Variants in CORO7 observed in about 807,000 individuals in gnomAD.
CORO7 encodes the protein coronin-7.
In CORO7, 107 loss-of-function variants were observed where a neutral mutation model predicts 126.6. The ratio of observed to expected loss-of-function variants is 0.85; its 90% CI spans 0.72 to 0.99. CORO7 has a LOEUF of 0.99. Ranked by LOEUF, CORO7 falls within the 50% of genes least tolerant of loss-of-function variation. The pLI, the probability that CORO7 is intolerant of heterozygous loss-of-function variation, is 0.00. For synonymous variants in CORO7, 603 were observed against 536.8 expected (o/e 1.12, Z -1.70); for missense variants, 1,314 against 1,255.8 (o/e 1.05, Z -0.70).
At chr16:4,402,620 C>A (rs1567297474) in intron 6 of CORO7, among the ~76,000 whole-genome samples, 1 of 152,146 alleles carries the variant, frequency 6.6e-6, no homozygotes, top group East Asian at 1.9e-4. Flanking sequence ...GGGCTAAGGG[C>A]GGAACTCACA....
intron 3 of CORO7, among the ~76,000 whole-genome samples, chr16:4,410,890 A>G (rs2056181253): frequency 6.6e-6 from 1 of 152,248 alleles, no homozygotes; most frequent in Non-Finnish European, 1.5e-5. Flanking sequence ...ACTATTTACA[A>G]AAACAGGCAG....
intron 14 of CORO7, among the ~76,000 whole-genome samples, chr16:4,364,042 C>T (rs1386616898): frequency 2.0e-5 from 3 of 151,960 alleles, no homozygotes; most frequent in African/African-American, 7.2e-5. Flanking sequence ...AAAATATAGT[C>T]GGCCATGGTG....
At chr16:4,403,265 G>GC (rs1049186963) in intron 6 of CORO7, among the ~76,000 whole-genome samples, 2 of 152,088 alleles carry the variant, frequency 1.3e-5, no homozygotes, top group Non-Finnish European at 2.9e-5. Flanking sequence ...CAGTCAGGCC[G>GC]CCCCCCACTC....
At position 4,362,375 on chromosome 16, in the gene CORO7, G is replaced by A. The variant is rs2054209264; in HGVS notation, c.1403-215C>T. 6.6e-6 allele frequency among the ~76,000 whole-genome samples: 1 copy of A among 152,166 alleles called. No homozygotes were observed. Among genetic ancestry groups the A allele is most frequent in the South Asian group, 2.1e-4 (1 of 4,820 alleles). ...CATGGTGGCTCGGGGAATCTTGGTGGAGCCCAGGGCTTTGGCTGCTCAGAA... is the reference window on the plus strand; with the variant it reads ...CATGGTGGCTCGGGGAATCTTGGTGAAGCCCAGGGCTTTGGCTGCTCAGAA... On this transcript the variant is annotated intron_variant, in intron 15 of 27. Transcript: ENST00000251166. This position sits in a 1 kb window ranked among gnomAD's most constrained non-coding sequence, Gnocchi z 5.3.
chr16:4,358,325 G>C, intron 24 of CORO7, 42 bp downstream of exon 24: 1 of 1,601,348 alleles, frequency 6.2e-7, no homozygotes, highest in Non-Finnish European at 8.5e-7. Flanking sequence ...TCTAGGCACC[G>C]AGAAGGCGGT....
At chr16:4,385,392 C>A (rs1009080184) in intron 9 of CORO7, among the ~76,000 whole-genome samples, 1 of 152,132 alleles carries the variant, frequency 6.6e-6, no homozygotes, top group Admixed American at 6.5e-5. Context: ...AGAAGCAATA[C>A]ACCCTACTTC....
At chr16:4,404,811 C>T (rs1365486114) in intron 6 of CORO7, among the ~76,000 whole-genome samples, 3 of 152,158 alleles carry the variant, frequency 2.0e-5, no homozygotes, top group Non-Finnish European at 2.9e-5. Flanking sequence ...ACGCATCCCC[C>T]TGTAGACACT....
In CORO7 at chr16:4,384,599, C is replaced by T. The variant is rs564725384; in HGVS notation, c.785+3387G>A. On this transcript the variant is annotated intron_variant, in intron 9 of 27. Coordinates refer to ENST00000251166, the MANE Select transcript of CORO7 (RefSeq NM_024535.5). ...CCAGCCAGACCCAGGGAGCAGGCCC[C>T]GTGGCGCGGGTGTTGATGTCAGTGC... Among the ~76,000 whole-genome samples the T allele has an allele frequency of 2.6e-5, 4 of 152,318 alleles. 1 individual carries two copies. The highest frequency in any genetic ancestry group is 2.1e-4 in the South Asian group (1 of 4,832).
intron 5 of CORO7, among the ~76,000 whole-genome samples, chr16:4,406,470 T>C (rs947272340): frequency 2.0e-5 from 3 of 152,172 alleles, no homozygotes; most frequent in African/African-American, 7.2e-5. Context: ...GGCTGATTTT[T>C]TAATTTTTTG....
intron 27 of CORO7, 25 bp downstream of exon 27, chr16:4,355,261 G>A (rs773315657): frequency 1.2e-6 from 2 of 1,612,524 alleles, no homozygotes; most frequent in Non-Finnish European, 1.7e-6. Context: ...CTGCCTGCCG[G>A]GAAGTGAGGC....
intron 2 of CORO7, chr16:4,412,698 G>C (rs1024481089): frequency 2.0e-5 from 10 of 491,162 alleles, no homozygotes; most frequent in Non-Finnish European, 2.9e-5. Context: ...AGGGGCGTGG[G>C]GCTTTCGTAT....
At chr16:4,414,642 C>T (rs759551551) in intron 1 of CORO7, among the ~76,000 whole-genome samples, 15 of 152,184 alleles carry the variant, frequency 9.9e-5, no homozygotes, top group African/African-American at 3.1e-4. Context: ...AAGAACAGAT[C>T]ACCTGTTCTC....
Position 4,357,177 on chromosome 16 carries a change from CT to C in CORO7, c.2675del (p.Lys892ArgfsTer6), listed in dbSNP as rs780611951. On this transcript the variant is annotated frameshift_variant, in exon 26 of 28. Coordinates refer to ENST00000251166, the MANE Select transcript of CORO7 (RefSeq NM_024535.5). LOFTEE classifies it high-confidence loss of function. ...QYLEEKSDQQ[K>X]KEELLNAMVA... ...TCTCTCCCATGCCTACCTCCTCCTT[CT>C]TTTGCTGGTCAGACTTTTCTTCCAG... 1.7e-4 allele frequency: 270 copies of C among 1,613,794 alleles called. No homozygotes were observed. The highest frequency in any genetic ancestry group is 2.2e-4 in the Non-Finnish European group (261 of 1,180,012).
intron 3 of CORO7, among the ~76,000 whole-genome samples, chr16:4,409,696 G>A (rs1395417264): frequency 1.3e-5 from 2 of 152,196 alleles, no homozygotes; most frequent in Admixed American, 6.5e-5. Flanking sequence ...ACTGGAGCGG[G>A]CCCCAGCTGC....
intron 9 of CORO7, among the ~76,000 whole-genome samples, chr16:4,371,524 G>A (rs1446614206): frequency 1.3e-5 from 2 of 152,232 alleles, no homozygotes; most frequent in African/African-American, 2.4e-5. Flanking sequence ...GCCCTGGGGT[G>A]GACTTCTGGC....
At chr16:4,407,802 C>A in intron 4 of CORO7, 118 bp from the exon 5 acceptor site, 1 of 1,321,356 alleles carries the variant, frequency 7.6e-7, no homozygotes, top group East Asian at 2.5e-5. Context: ...GACCACACAC[C>A]TTGGCCTTGG....
intron 6 of CORO7, among the ~76,000 whole-genome samples, chr16:4,403,872 C>T (rs62037618): frequency 6.6e-6 from 1 of 152,164 alleles, no homozygotes; most frequent in Non-Finnish European, 1.5e-5. Flanking sequence ...CTGGGACGCC[C>T]GTCCCCTCCT....
Position 4,361,437 on chromosome 16 carries a change from T to G in CORO7, c.1611A>C (p.Ala537=). 1.2e-6 allele frequency: 2 copies of G among 1,612,350 alleles called. No homozygotes were observed. The highest frequency in any genetic ancestry group is 4.5e-5 in the East Asian group (2 of 44,884). Residue 537 remains alanine (A), a synonymous_variant, in exon 17 of 28, where the codon GCA becomes GCC. Transcript: ENST00000251166. ...LRKPGRLPDT[A]LPTLQNGAAV... ...CTGCCCCATTCTGCAGCGTGGGCAGTGCCGTGTCGGGCAGGCGGCCAGGCT... is the reference window on the plus strand; with the variant it reads ...CTGCCCCATTCTGCAGCGTGGGCAGGGCCGTGTCGGGCAGGCGGCCAGGCT...
intron 24 of CORO7, 23 bp from the exon 25 acceptor site, chr16:4,358,126 T>G (rs749100014): frequency 3.7e-6 from 6 of 1,600,252 alleles, no homozygotes; most frequent in Non-Finnish European, 5.1e-6. Flanking sequence ...AAACGGGCTG[T>G]CCTGAGACAT....
Sources: gnomAD v4.1 joint callset for allele counts (sites outside exome capture counted in the v4.1 genomes callset) on GRCh38, gnomAD v4.1.1 for gene constraint, Gnocchi (gnomAD v3.1) non-coding constraint, MANE v1.5 for transcripts, NCBI Gene and HGNC (gene_info 2026-07-23, HGNC 2026-07-21) for gene names.